Variants in NNMT observed in about 807,000 individuals in gnomAD.
The protein encoded by NNMT is nicotinamide N-methyltransferase.
Under a neutral mutation model 11.7 loss-of-function variants are expected in NNMT, and 10 were observed. The observed-to-expected ratio is 0.85, with a 90% CI of 0.53 to 1.45. The LOEUF (loss-of-function observed/expected upper bound fraction) is 1.45, where lower values mean the gene tolerates loss of function less well. Among genes scored for constraint, NNMT ranks in the 40% most tolerant of loss-of-function variants. The pLI is 0.00. For missense variants in NNMT, 381 were observed against 319.4 expected, an observed-to-expected ratio of 1.19 and a Z score of -1.47; for synonymous variants, 143 against 133.8, an observed-to-expected ratio of 1.07 and a Z score of -0.48.
chr11:114,308,771 C>T (rs1412001029), intron 2 of NNMT, among the ~76,000 whole-genome samples: 1 of 152,044 alleles, frequency 6.6e-6, no homozygotes, highest in Non-Finnish European at 1.5e-5. Flanking sequence ...TGCGTTGCCC[C>T]GAGGTGTATG....
intron 2 of NNMT, among the ~76,000 whole-genome samples, chr11:114,276,565 T>C (rs1945215011): frequency 6.6e-6 from 1 of 152,180 alleles, no homozygotes; most frequent in Non-Finnish European, 1.5e-5. Context: ...GGAATGTTGA[T>C]CTCAAACAGA....
intron 2 of NNMT, among the ~76,000 whole-genome samples, chr11:114,288,453 T>TC (rs1491110298): frequency 6.7e-6 from 1 of 150,028 alleles, no homozygotes; most frequent in Non-Finnish European, 1.5e-5. Flanking sequence ...TTTTTTTTTT[T>TC]CTGCATCTGT....
At position 114,312,754 on chromosome 11, in the gene NNMT, C is replaced by A; in HGVS notation, c.*277C>A. ...AAGAAGACCTCACTTCCCTAAACATCTAGTTATGGCGGCTCAAGCCCGTAC... is the reference window on the plus strand; with the variant it reads ...AAGAAGACCTCACTTCCCTAAACATATAGTTATGGCGGCTCAAGCCCGTAC... On this transcript the variant is annotated 3_prime_UTR_variant, in exon 3 of 3. Coordinates refer to ENST00000299964, the MANE Select transcript of NNMT (RefSeq NM_006169.3). 1 of 415,740 alleles carries A rather than the reference C, an allele frequency of 2.4e-6. No homozygotes were observed. Among genetic ancestry groups the A allele is most frequent in the Non-Finnish European group, 4.3e-6 (1 of 231,570 alleles). The allele number at this position is 415,740 out of a possible 1,614,324, so 25.8% of individuals were successfully genotyped here. A position where few individuals can be genotyped will look rare whatever the true frequency, so the allele number is the denominator to read the frequency against.
In NNMT at chr11:114,298,171, G is replaced by T. The variant is rs765782226; in HGVS notation, c.362+13G>T. ...TTGAAGGGAACAGGTAGAGAAACTGGTGTCTACTTCTTGGCTTTTGAAGGT... is the reference window on the plus strand; with the variant it reads ...TTGAAGGGAACAGGTAGAGAAACTGTTGTCTACTTCTTGGCTTTTGAAGGT... On this transcript the variant is annotated intron_variant, in intron 2 of 2. Transcript: ENST00000299964. 3 of 1,612,202 alleles carry T rather than the reference G, an allele frequency of 1.9e-6. No homozygotes were observed. The highest frequency in any genetic ancestry group is 1.1e-5 in the South Asian group (1 of 90,986).
chr11:114,304,912 C>T (rs537508263), intron 2 of NNMT, among the ~76,000 whole-genome samples: 94 of 152,280 alleles, frequency 6.2e-4, no homozygotes, highest in Middle Eastern at 3.4e-3. Context: ...GAAAGTCAAA[C>T]ACTAAGATAC....
chr11:114,266,490 G>A (rs1945120475), intron 2 of NNMT, among the ~76,000 whole-genome samples: 1 of 152,012 alleles, frequency 6.6e-6, no homozygotes, highest in Non-Finnish European at 1.5e-5. Flanking sequence ...AACAGGACAG[G>A]CCTTTGCATG....
chr11:114,267,625 C>T (rs1945131840), intron 2 of NNMT, among the ~76,000 whole-genome samples: 1 of 152,318 alleles, frequency 6.6e-6, no homozygotes, highest in African/African-American at 2.4e-5. Context: ...CACCCAGATT[C>T]AACATCATCC....
At chr11:114,284,447 T>TG (rs765402339) in intron 2 of NNMT, among the ~76,000 whole-genome samples, 9 of 152,270 alleles carry the variant, frequency 5.9e-5, no homozygotes, top group Non-Finnish European at 1.2e-4. Context: ...ACATGGTTTT[T>TG]TTTGTTTGTT....
At chr11:114,265,391 T>C (rs560367131) in intron 2 of NNMT, among the ~76,000 whole-genome samples, 1 of 152,330 alleles carries the variant, frequency 6.6e-6, no homozygotes, top group Admixed American at 6.5e-5. Context: ...TTCTCAGTCT[T>C]GTTGGCTCAC....
intron 2 of NNMT, among the ~76,000 whole-genome samples, chr11:114,298,621 G>A (rs1945407757): frequency 6.6e-6 from 1 of 152,138 alleles, no homozygotes. Flanking sequence ...GGCTAATGCT[G>A]ACATCACCAG....
At chr11:114,309,812 A>G (rs528144408) in intron 2 of NNMT, among the ~76,000 whole-genome samples, 12 of 152,136 alleles carry the variant, frequency 7.9e-5, no homozygotes, top group Admixed American at 1.3e-4. Flanking sequence ...CCTGGCAACC[A>G]CTGGTCTGCT....
At chr11:114,278,301 G>A (rs541997119) in intron 2 of NNMT, among the ~76,000 whole-genome samples, 11 of 152,190 alleles carry the variant, frequency 7.2e-5, no homozygotes, top group Non-Finnish European at 1.2e-4. Context: ...GAGCTCACTC[G>A]TTACTGTGAG....
intron 2 of NNMT, among the ~76,000 whole-genome samples, chr11:114,276,813 G>A (rs1050822335): frequency 6.6e-6 from 1 of 152,226 alleles, no homozygotes; most frequent in African/African-American, 2.4e-5. Flanking sequence ...GAAATGAGAA[G>A]AACAGAGGTT....
intron 2 of NNMT, among the ~76,000 whole-genome samples, chr11:114,309,664 C>T (rs1040576325): frequency 5.3e-5 from 8 of 152,142 alleles, no homozygotes; most frequent in South Asian, 2.1e-4. Flanking sequence ...ATTTAAATTG[C>T]GAAATTCAGT....
chr11:114,288,903 A>G (rs1396232888), intron 2 of NNMT, among the ~76,000 whole-genome samples: 3 of 152,116 alleles, frequency 2.0e-5, no homozygotes, highest in East Asian at 1.9e-4. Context: ...TTTTCTTCTC[A>G]TAAGTAACCT....
intron 2 of NNMT, among the ~76,000 whole-genome samples, chr11:114,287,091 C>T (rs977132831): frequency 3.4e-4 from 52 of 152,076 alleles, no homozygotes; most frequent in African/African-American, 1.2e-3. Context: ...TCTTTATTTT[C>T]ATATTGATTC....
chr11:114,306,191 G>A (rs1945490808), intron 2 of NNMT, among the ~76,000 whole-genome samples: 1 of 152,048 alleles, frequency 6.6e-6, no homozygotes, highest in African/African-American at 2.4e-5. Flanking sequence ...CTTTTTGATG[G>A]GGTTGTTTGA....
intron 1 of NNMT, among the ~76,000 whole-genome samples, chr11:114,260,264 C>T (rs1294841072): frequency 6.6e-6 from 1 of 152,228 alleles, no homozygotes; most frequent in African/African-American, 2.4e-5. Context: ...GGCCGCCCCA[C>T]TTGTCCCCAC....
intron 1 of NNMT, 64 bp downstream of exon 1, chr11:114,296,774 G>A (rs553188099): frequency 1.2e-5 from 19 of 1,536,014 alleles, no homozygotes; most frequent in Admixed American, 1.2e-4. Context: ...CTCAGGGCAC[G>A]ACTGGGTTTT....
Sources: allele counts gnomAD v4.1 joint callset (sites outside exome capture counted in the v4.1 genomes callset), GRCh38; gene constraint gnomAD v4.1.1; transcripts MANE v1.5; gene names NCBI Gene and HGNC (gene_info 2026-07-23, HGNC 2026-07-21).